Variants in USP7 observed in about 807,000 individuals in gnomAD.
USP7 encodes ubiquitin specific peptidase 7.
In USP7, 9 loss-of-function variants were observed where a neutral mutation model predicts 162.9. The observed-to-expected ratio is 0.06, with a 90% CI of 0.03 to 0.10. USP7 has a LOEUF of 0.10. Among genes scored for constraint, USP7 ranks in the 10% least tolerant of loss-of-function variants. The pLI is 1.00. For missense variants in USP7, 715 were observed against 1,373.7 expected (o/e 0.52, Z 7.58); for synonymous variants, 562 against 475.9 (o/e 1.18, Z -2.35).
rs193182518 is a variant in USP7, at chr16:8,927,326, A to G, written c.184+2967T>C. On this transcript the variant is annotated intron_variant, in intron 2 of 30. Coordinates refer to ENST00000344836, the MANE Select transcript of USP7 (RefSeq NM_003470.3). ...AAAAAGAAAAAAAGAAAAAGAAAAA[A>G]AAAAAGAAAGAAAGTTAAAGAAAAA... is the stretch of plus-strand genomic sequence containing the variant. 1.7e-4 allele frequency among the ~76,000 whole-genome samples: 26 copies of G among 152,212 alleles called. No individual in the cohort carries two copies. In the East Asian group the frequency reaches 4.2e-3, roughly 25 times the overall value.
rs1487406187 is a variant in USP7 at position 8,904,309 on chromosome 16, G to C, written c.1704+126C>G. 5 of 1,507,726 alleles carry C rather than the reference G, an allele frequency of 3.3e-6. No homozygotes were observed. In the African/African-American group the frequency reaches 6.9e-5, roughly 21 times the overall value. The allele number at this position is 1,507,726 out of a possible 1,614,324, so 93.4% of individuals were successfully genotyped here. On this transcript the variant is annotated intron_variant, in intron 15 of 30. Transcript: ENST00000344836. ...GGGGACTGACCTGCACTTGCGTACAGAGATGGATGCCCTGCTGCATGGTGA... is the reference window on the plus strand; with the variant it reads ...GGGGACTGACCTGCACTTGCGTACACAGATGGATGCCCTGCTGCATGGTGA...
chr16:8,911,023 G>A (rs2061938518), intron 10 of USP7, among the ~76,000 whole-genome samples, 196 bp from the exon 11 acceptor site: 1 of 152,188 alleles, frequency 6.6e-6, no homozygotes, highest in African/African-American at 2.4e-5. Flanking sequence ...AAAGGTCATT[G>A]GTATCTTTCT....
At chr16:8,926,009 C>A (rs1897967280) in intron 2 of USP7, among the ~76,000 whole-genome samples, 2 of 151,858 alleles carry the variant, frequency 1.3e-5, no homozygotes, top group South Asian at 2.1e-4. Context: ...AAAAAATTAG[C>A]CGGGTGCAGA....
chr16:8,953,632 C>T (rs112094088), intron 1 of USP7, among the ~76,000 whole-genome samples: 29 of 21,770 alleles, frequency 1.3e-3, no homozygotes, highest in African/African-American at 3.8e-3. Context: ...CCCCGTGCGG[C>T]GCCACCGGAA....
At position 8,893,698 on chromosome 16, in the gene USP7, A is replaced by T. The variant is rs765957329; in HGVS notation, c.*300T>A. ...AGGGACAGCCCAGAGACCTTGAGCC[A>T]GGGACCCCCGATCCACTAACCTCTT... On this transcript the variant is annotated 3_prime_UTR_variant, in exon 31 of 31. Transcript: ENST00000344836. 1.5e-4 allele frequency: 51 copies of T among 339,346 alleles called. No individual in the cohort carries two copies. Among genetic ancestry groups the T allele is most frequent in the Admixed American group, 1.6e-4 (4 of 25,614 alleles). 21.0% of individuals were successfully genotyped at this position (339,346 alleles called of 1,614,324 possible). A position where few individuals can be genotyped will look rare whatever the true frequency, so the allele number is the denominator to read the frequency against.
chr16:8,942,136 C>A (rs1413193696), intron 1 of USP7, among the ~76,000 whole-genome samples: 2 of 152,236 alleles, frequency 1.3e-5, no homozygotes, highest in African/African-American at 4.8e-5. Context: ...GTGGGCAGGG[C>A]CAAAGCTATG....
intron 23 of USP7, 40 bp downstream of exon 23, chr16:8,899,081 T>C (rs111529376): frequency 4.4e-6 from 7 of 1,594,998 alleles, no homozygotes; most frequent in South Asian, 2.3e-5. Flanking sequence ...GTGGAAAGCA[T>C]GCAGTCAAGA....
intron 6 of USP7, among the ~76,000 whole-genome samples, chr16:8,917,535 C>T (rs113125486): frequency 0.018 from 2,786 of 151,732 alleles, 56 homozygotes; most frequent in East Asian, 0.072. Flanking sequence ...CGCACCACCA[C>T]GCCAGGCTAA....
In USP7 at chr16:8,953,513, G is replaced by C. The variant is rs112493057; in HGVS notation, c.79+9694C>G. On this transcript the variant is annotated intron_variant, in intron 1 of 30. Transcript: ENST00000344836. The stretch of plus-strand genomic sequence containing the variant: ...TGGGGAGAAGACACGTGCCCCATGC[G>C]GTGCCACTGGAAGCAGAGGGAAGAC... Among the ~76,000 whole-genome samples the C allele has an allele frequency of 7.6e-3, 1,062 of 140,600 alleles. 10 individuals are homozygous for C. Among genetic ancestry groups the C allele is most frequent in the Middle Eastern group, 0.027 (6 of 226 alleles). 92.2% of individuals were successfully genotyped at this position (140,600 alleles called of 152,430 possible). A position where few individuals can be genotyped will look rare whatever the true frequency, so the allele number is the denominator to read the frequency against.
intron 1 of USP7, among the ~76,000 whole-genome samples, chr16:8,931,008 T>C (rs1017780589): frequency 6.6e-6 from 1 of 151,924 alleles, no homozygotes; most frequent in African/African-American, 2.4e-5. Context: ...TAGTTCTTAC[T>C]TTACAATAGC....
chr16:8,944,163 G>A (rs1006051476), intron 1 of USP7, among the ~76,000 whole-genome samples: 1 of 151,792 alleles, frequency 6.6e-6, no homozygotes, highest in African/African-American at 2.4e-5. Context: ...TTGCTTGCAT[G>A]TTTGAATGTT....
chr16:8,940,718 G>A (rs1596404540), intron 1 of USP7, among the ~76,000 whole-genome samples: 1 of 152,204 alleles, frequency 6.6e-6, no homozygotes, highest in South Asian at 2.1e-4. Context: ...ATCAGAGGCT[G>A]TGGAGTGAGA....
rs1335858077 is a variant in USP7, at chr16:8,892,601, G to C, written c.*1397C>G. On this transcript the variant is annotated 3_prime_UTR_variant, in exon 31 of 31. Transcript: ENST00000344836. The stretch of plus-strand genomic sequence containing the variant: ...TCTTAAGAGTAAATGTGACTAGTTA[G>C]AGGCTAAAAAAAAAAAAAAAAAAAA... 6.1e-5 allele frequency: 5 copies of C among 82,142 alleles called. No individual in the cohort carries two copies. Among genetic ancestry groups the C allele is most frequent in the African/African-American group, 2.5e-4 (5 of 20,368 alleles). The allele number at this position is 82,142 out of a possible 1,614,324, so 5.1% of individuals were successfully genotyped here.
chr16:8,945,376 G>A (rs957657810), intron 1 of USP7, among the ~76,000 whole-genome samples: 1 of 152,172 alleles, frequency 6.6e-6, no homozygotes, highest in Non-Finnish European at 1.5e-5. Context: ...ACAGCAAGAT[G>A]CTGTCTCAAA....
In USP7 at chr16:8,894,533, G is replaced by C. The variant is rs777890601; in HGVS notation, c.3202+17C>G. On this transcript the variant is annotated intron_variant, in intron 30 of 30. Coordinates refer to ENST00000344836, the MANE Select transcript of USP7 (RefSeq NM_003470.3). Reference sequence around the variant, plus strand: ...TCTGAAACCCACACCAGCCCCCGGGGGGGGGAGAACCCTTACCGGGCTGTG... The same window carrying C: ...TCTGAAACCCACACCAGCCCCCGGGCGGGGGAGAACCCTTACCGGGCTGTG... 9.0e-5 allele frequency: 145 copies of C among 1,608,738 alleles called. No homozygotes were observed. The highest frequency in any genetic ancestry group is 3.6e-4 in the East Asian group (16 of 44,824).
At chr16:8,907,923 C>A (rs1417785643) in intron 12 of USP7, among the ~76,000 whole-genome samples, 1 of 152,186 alleles carries the variant, frequency 6.6e-6, no homozygotes, top group African/African-American at 2.4e-5. Context: ...AAAGTTGACG[C>A]CAACTGAGAG....
At chr16:8,945,362 C>T (rs1461309375) in intron 1 of USP7, among the ~76,000 whole-genome samples, 1 of 152,172 alleles carries the variant, frequency 6.6e-6, no homozygotes, top group African/African-American at 2.4e-5. Context: ...CCAGCTTGGG[C>T]AACACAGCAA....
At chr16:8,904,297 C>G in intron 15 of USP7, 138 bp downstream of exon 15, 1 of 1,450,252 alleles carries the variant, frequency 6.9e-7, no homozygotes, top group Middle Eastern at 2.6e-4. Context: ...GACTGACCTG[C>G]ACTTGCGTAC....
At chr16:8,895,818 G>C in intron 26 of USP7, 77 bp from the exon 27 acceptor site, 9 of 940,322 alleles carry the variant, frequency 9.6e-6, no homozygotes, top group South Asian at 1.6e-5. Flanking sequence ...TTTCTAGAAA[G>C]AAATAAAGTT....
Sources: allele counts gnomAD v4.1 joint callset (sites outside exome capture counted in the v4.1 genomes callset), GRCh38; gene constraint gnomAD v4.1.1; transcripts MANE v1.5; gene names NCBI Gene and HGNC (gene_info 2026-07-23, HGNC 2026-07-21).